PWP1: variants seen among roughly 807,000 people sequenced by gnomAD.
The protein encoded by PWP1 is periodic tryptophan protein 1 homolog.
PWP1 carries 47 observed loss-of-function variants against 69.9 expected under a neutral mutation model. That is an observed-to-expected ratio of 0.67 (90% CI 0.53 to 0.86). PWP1 has a LOEUF of 0.86. Among genes scored for constraint, PWP1 ranks in the 40% least tolerant of loss-of-function variants. The probability of loss-of-function intolerance (pLI) is 0.00; values close to 1 mark genes in which losing one functional copy is unlikely to be tolerated. For synonymous variants in PWP1, 222 were observed against 208.2 expected, an observed-to-expected ratio of 1.07 and a Z score of -0.57; for missense variants, 551 against 608.8, an observed-to-expected ratio of 0.91 and a Z score of 1.00.
intron 5 of PWP1, among the ~76,000 whole-genome samples, chr12:107,695,585 A>G (rs1305133593): frequency 2.6e-5 from 4 of 152,168 alleles, no homozygotes; most frequent in Admixed American, 2.6e-4. Context: ...TTACTCATTG[A>G]TTTTACAATG....
chr12:107,708,796 C>G, intron 11 of PWP1, 130 bp from the exon 12 acceptor site: 1 of 823,722 alleles, frequency 1.2e-6, no homozygotes, highest in Non-Finnish European at 1.9e-6. Flanking sequence ...TAAATGATTT[C>G]TGTCCATGTT....
At chr12:107,688,894 T>C (rs1426323248) in intron 3 of PWP1, 92 bp downstream of exon 3, 4 of 1,311,390 alleles carry the variant, frequency 3.1e-6, no homozygotes, top group Non-Finnish European at 4.2e-6. Flanking sequence ...TTAGATTTTA[T>C]TGTTCTTGAC....
intron 1 of PWP1, among the ~76,000 whole-genome samples, chr12:107,688,055 A>AAAAAAAAAAAAAAC (rs1889405949): frequency 6.7e-6 from 1 of 149,992 alleles, no homozygotes; most frequent in Non-Finnish European, 1.5e-5. Context: ...AAAAAAAAAA[A>AAAAAAAAAAAAAAC]AAAAAGAACA....
At chr12:107,708,155 C>G (rs762429199) in intron 11 of PWP1, among the ~76,000 whole-genome samples, 2 of 152,092 alleles carry the variant, frequency 1.3e-5, no homozygotes, top group Non-Finnish European at 2.9e-5. Context: ...TACGCAACTT[C>G]CAGAGATTAT....
intron 9 of PWP1, 128 bp downstream of exon 9, chr12:107,703,159 T>C (rs1205941751): frequency 4.3e-6 from 3 of 691,658 alleles, no homozygotes; most frequent in East Asian, 5.6e-5. Flanking sequence ...CTTTCACATG[T>C]TATCTCTTAG....
rs1593144195 is a variant in PWP1 at position 107,696,516 on chromosome 12, T to C, written c.545T>C (p.Ile182Thr). 2 of 1,614,164 alleles carry C rather than the reference T, an allele frequency of 1.2e-6. No homozygotes were observed. The highest frequency in any genetic ancestry group is 1.7e-6 in the Non-Finnish European group (2 of 1,180,010). The change falls in exon 6 of 15, where the codon ATA (isoleucine) becomes ACA (threonine). Residue 182 changes from isoleucine (I) to threonine (T), a missense_variant. By Grantham distance (89) the Ile-to-Thr change is moderately conservative. Coordinates refer to ENST00000412830, the MANE Select transcript of PWP1 (RefSeq NM_007062.3). The stretch of plus-strand genomic sequence containing the variant: ...GACTCTTTTTATGTACACCATGATA[T>C]ACTCTTGTCTGCATATCCTCTGAGT... ...EEDSFYVHHD[I>T]LLSAYPLSVE...
Position 107,710,258 on chromosome 12 carries a change from TACC to T in PWP1, c.1291-146_1291-144del, listed in dbSNP as rs1889920853. On this transcript the variant is annotated intron_variant, in intron 13 of 14. Coordinates refer to ENST00000412830, the MANE Select transcript of PWP1 (RefSeq NM_007062.3). Reference sequence around the variant, plus strand: ...TAGCCCTTCTGACTTGACTCTGAGCTACCTTTGCAGTAGGCTTGAAAGTGAGAA... The same window carrying T: ...TAGCCCTTCTGACTTGACTCTGAGCTTTTGCAGTAGGCTTGAAAGTGAGAA... 2.3e-6 allele frequency: 3 copies of T among 1,307,212 alleles called. No homozygotes were observed. The Admixed American group carries it at 8.5e-5, about 37-fold the overall frequency. The allele number at this position is 1,307,212 out of a possible 1,614,324, so 81.0% of individuals were successfully genotyped here.
chr12:107,706,739 G>A (rs1383758068), intron 11 of PWP1, among the ~76,000 whole-genome samples: 1 of 152,154 alleles, frequency 6.6e-6, no homozygotes, highest in Non-Finnish European at 1.5e-5. Flanking sequence ...TGAGGGCTCT[G>A]TTCTGTTCTA....
At chr12:107,698,617 T>A (rs962604984) in intron 7 of PWP1, among the ~76,000 whole-genome samples, 3 of 152,246 alleles carry the variant, frequency 2.0e-5, no homozygotes, top group Admixed American at 6.5e-5. Context: ...AAGGTCTTGC[T>A]CTGTCTCCCA....
At chr12:107,688,047 A>AAAAAAAAG (rs1889405362) in intron 1 of PWP1, among the ~76,000 whole-genome samples, 6 of 149,670 alleles carry the variant, frequency 4.0e-5, no homozygotes, top group Admixed American at 6.7e-5. Flanking sequence ...AAAAAAAAAA[A>AAAAAAAAG]AAAAAAAAAA....
intron 7 of PWP1, among the ~76,000 whole-genome samples, chr12:107,697,995 T>G (rs1889626007): frequency 6.6e-6 from 1 of 152,230 alleles, no homozygotes; most frequent in African/African-American, 2.4e-5. Context: ...CTCCTGCAGC[T>G]TTTAAAATCG....
In PWP1 at chr12:107,697,565, C is replaced by T. The variant is rs990630553; in HGVS notation, c.712C>T (p.Leu238Phe). The change falls in exon 7 of 15, where the codon CTT becomes TTT. Residue 238 changes from leucine (L) to phenylalanine (F), a missense_variant. Physicochemically the swap from Leu to Phe is conservative, Grantham distance 22 (BLOSUM62 0). Coordinates refer to ENST00000412830, the MANE Select transcript of PWP1 (RefSeq NM_007062.3). ...GCCAGTCTTCACACTCGGAAGTAAA[C>T]TTTCAAAAAAGAAGAAAAAGAAAGG... ...LEPVFTLGSK[L>F]SKKKKKKGKK... 1 of 1,604,804 alleles carries T rather than the reference C, an allele frequency of 6.2e-7. No individual in the cohort carries two copies. The highest frequency in any genetic ancestry group is 1.1e-5 in the South Asian group (1 of 89,152).
At position 107,690,804 on chromosome 12, in the gene PWP1, C is replaced by T. The variant is rs185233359; in HGVS notation, c.319+2002C>T. On this transcript the variant is annotated intron_variant, in intron 3 of 14. Coordinates refer to ENST00000412830, the MANE Select transcript of PWP1 (RefSeq NM_007062.3). ...TGTTAAAGCAAGGTAATTCAAGGTT[C>T]GTGATGCCCTCTCCACTTGTGTTCA... is the stretch of plus-strand genomic sequence containing the variant. Among the ~76,000 whole-genome samples the T allele has an allele frequency of 5.9e-5, 9 of 152,166 alleles. No homozygotes were observed. The East Asian group carries it at 1.5e-3, about 26-fold the overall frequency.
chr12:107,693,815 C>T (rs1889530931), intron 5 of PWP1, among the ~76,000 whole-genome samples: 1 of 152,032 alleles, frequency 6.6e-6, no homozygotes, highest in South Asian at 2.1e-4. Context: ...TTTTTTCTGG[C>T]TACTTTTTCT....
At position 107,702,975 on chromosome 12, in the gene PWP1, C is replaced by T; in HGVS notation, c.847C>T (p.Leu283=). 1 of 1,612,190 alleles carries T rather than the reference C, an allele frequency of 6.2e-7. No individual in the cohort carries two copies. The highest frequency in any genetic ancestry group is 8.5e-7 in the Non-Finnish European group (1 of 1,178,270). Residue 283 remains leucine (L), a synonymous_variant, in exon 9 of 15, where the codon CTG becomes TTG. Coordinates refer to ENST00000412830, the MANE Select transcript of PWP1 (RefSeq NM_007062.3). ...ASASADNTVI[L]WDMSLGKPAA... is the part of the protein sequence containing the mutation. ...TGCATCAGCTGACAACACTGTAATT[C>T]TGTGGGATATGTCCTTGGGGAAACC...
chr12:107,707,611 G>A (rs1419103155), intron 11 of PWP1, among the ~76,000 whole-genome samples: 6 of 152,174 alleles, frequency 3.9e-5, no homozygotes, highest in African/African-American at 7.2e-5. Context: ...ATGAAGGGCT[G>A]TTGAATTTTG....
chr12:107,695,154 TACTCGG>T (rs1436559496), intron 5 of PWP1, among the ~76,000 whole-genome samples: 1 of 150,236 alleles, frequency 6.7e-6, no homozygotes, highest in African/African-American at 2.4e-5. Context: ...TAGTCCCAGC[TACTCGG>T]GAGGCTGAGG....
rs1889349319 is a variant in PWP1, at chr12:107,685,801, C to G, written c.-99C>G. 7.7e-6 allele frequency: 10 copies of G among 1,300,210 alleles called. No homozygotes were observed. The highest frequency in any genetic ancestry group is 1.1e-5 in the Non-Finnish European group (10 of 914,478). The allele number at this position is 1,300,210 out of a possible 1,614,324, so 80.5% of individuals were successfully genotyped here. A position where few individuals can be genotyped will look rare whatever the true frequency, so the allele number is the denominator to read the frequency against. ...CTGCGCATGCGCTCTGCCCTGGCAG[C>G]GGCCCTGTGCAGATCCCTGAGCGTG... On this transcript the variant is annotated 5_prime_UTR_variant, in exon 1 of 15. Transcript: ENST00000412830.
intron 13 of PWP1, among the ~76,000 whole-genome samples, 155 bp downstream of exon 13, chr12:107,709,387 G>A (rs571361126): frequency 6.6e-6 from 1 of 152,210 alleles, no homozygotes; most frequent in Non-Finnish European, 1.5e-5. Context: ...AAATTTGGTG[G>A]GATTTTATGA....
Sources: gnomAD v4.1 joint callset for allele counts (sites outside exome capture counted in the v4.1 genomes callset) on GRCh38, gnomAD v4.1.1 for gene constraint, MANE v1.5 for transcripts, NCBI Gene and HGNC (gene_info 2026-07-23, HGNC 2026-07-21) for gene names.